The following STK10 variants were observed in gnomAD, a reference collection of about 807,000 sequenced individuals.
STK10 encodes the protein serine/threonine-protein kinase 10.
In STK10, 78 loss-of-function variants were observed where a neutral mutation model predicts 113.8. The observed-to-expected ratio is 0.69, with a 90% CI of 0.57 to 0.83. The LOEUF (loss-of-function observed/expected upper bound fraction) is 0.83, where lower values mean the gene tolerates loss of function less well. STK10 is among the 40% of genes least tolerant of loss of function. The pLI is 0.00. For synonymous variants in STK10, 465 were observed against 494.7 expected (o/e 0.94, Z 0.80); for missense variants, 1,109 against 1,280.1 (o/e 0.87, Z 2.04).
At chr5:172,155,398 T>G (rs1770327141) in intron 2 of STK10, among the ~76,000 whole-genome samples, 1 of 150,998 alleles carries the variant, frequency 6.6e-6, no homozygotes, top group African/African-American at 2.4e-5. Flanking sequence ...CTTAGGAGGC[T>G]GAGGCAGGAG....
intron 3 of STK10, among the ~76,000 whole-genome samples, chr5:172,125,377 T>G (rs1400006840): frequency 6.6e-6 from 1 of 150,724 alleles, no homozygotes; most frequent in Non-Finnish European, 1.5e-5. Context: ...CATCTGCTCA[T>G]GACTTTTTTT....
intron 2 of STK10, among the ~76,000 whole-genome samples, chr5:172,137,470 C>G (rs1769887105): frequency 6.6e-6 from 1 of 151,984 alleles, no homozygotes; most frequent in South Asian, 2.1e-4. Context: ...ACTACGTGAT[C>G]ATCTCAGTTA....
chr5:172,137,404 C>CA (rs993495021), intron 2 of STK10, among the ~76,000 whole-genome samples: 7 of 151,718 alleles, frequency 4.6e-5, no homozygotes, highest in Admixed American at 6.6e-5. Flanking sequence ...GTTCAACATT[C>CA]AAAAATCTAT....
intron 18 of STK10, among the ~76,000 whole-genome samples, chr5:172,047,312 C>T (rs2113679111): frequency 6.6e-6 from 1 of 152,288 alleles, no homozygotes; most frequent in South Asian, 2.1e-4. Context: ...AGCCCAGGCC[C>T]CTCTTTGAAG....
At chr5:172,063,253 A>G (rs6872585) in intron 13 of STK10, among the ~76,000 whole-genome samples, 18,633 of 151,670 alleles carry the variant, frequency 0.12, 2,039 homozygotes, top group African/African-American at 0.29. Context: ...CCATCTCAAA[A>G]AAGAAAAAAA....
rs976296733 is a variant in STK10, at chr5:172,048,348, C to G, written c.2767-3326G>C. On this transcript the variant is annotated intron_variant, in intron 18 of 18. Transcript: ENST00000176763. ...ACCTGTCCTGCAGATTTCAGACTTA[C>G]CAGCCCCCACAATCGTGTAAGCCAA... is the stretch of plus-strand genomic sequence containing the variant. 7.9e-5 allele frequency among the ~76,000 whole-genome samples: 12 copies of G among 151,492 alleles called. No homozygotes were observed. The East Asian group carries it at 2.3e-3, about 29-fold the overall frequency.
chr5:172,153,325 A>AGAGAGAGAG (rs1770283325), intron 2 of STK10, among the ~76,000 whole-genome samples: 2 of 141,998 alleles, frequency 1.4e-5, no homozygotes, highest in African/African-American at 5.3e-5. Context: ...AGAAAGAAAG[A>AGAGAGAGAG]AATGTAAAAT....
intron 4 of STK10, among the ~76,000 whole-genome samples, chr5:172,114,304 GTGTGTGTGTGTA>G (rs1472877014): frequency 1.6e-4 from 23 of 145,892 alleles, no homozygotes; most frequent in African/African-American, 5.5e-4. Flanking sequence ...GTGTGTGTGT[GTGTGTGTGTGTA>G]TGTGTGTTTT....
At chr5:172,118,650 C>CGG (rs60585981) in intron 3 of STK10, among the ~76,000 whole-genome samples, 3 of 151,422 alleles carry the variant, frequency 2.0e-5, no homozygotes, top group Non-Finnish European at 4.4e-5. Flanking sequence ...GAAGCAGAGG[C>CGG]GGGGGGGATC....
chr5:172,181,265 T>C (rs922574387), intron 1 of STK10, among the ~76,000 whole-genome samples: 3 of 152,202 alleles, frequency 2.0e-5, no homozygotes, highest in South Asian at 2.1e-4. Flanking sequence ...TGCGTAAAAC[T>C]GTACTACTGG....
chr5:172,171,160 C>A (rs1770659292), intron 1 of STK10, among the ~76,000 whole-genome samples: 1 of 152,126 alleles, frequency 6.6e-6, no homozygotes, highest in South Asian at 2.1e-4. Context: ...TAAAGACAAT[C>A]TTAAAAATAT....
rs990302264 is a variant in STK10 at position 172,093,647 on chromosome 5, G to C, written c.1319C>G (p.Ala440Gly). The C allele has an allele frequency of 1.2e-6, 2 of 1,614,266 alleles. No individual in the cohort carries two copies. The highest frequency in any genetic ancestry group is 1.7e-5 in the Admixed American group (1 of 60,032). Reference sequence around the variant, plus strand: ...GCTGGCCTTTTGAGATCTGTTGGCTGCTGGGCTGAGGTCCCCACCCTGCTC... The same window carrying C: ...GCTGGCCTTTTGAGATCTGTTGGCTCCTGGGCTGAGGTCCCCACCCTGCTC... The part of the protein sequence containing the change: ...VAEQGGDLSP[A>G]ANRSQKASQS... Residue 440 changes from alanine to glycine, a missense_variant, in exon 9 of 19, where the codon GCA becomes GGA. Ala to Gly is a moderately conservative substitution (Grantham distance 60). Coordinates refer to ENST00000176763, the MANE Select transcript of STK10 (RefSeq NM_005990.4). This position sits in a 1 kb window ranked among gnomAD's most constrained non-coding sequence, Gnocchi z 4.1.
At chr5:172,107,365 C>T (rs181295437) in intron 5 of STK10, among the ~76,000 whole-genome samples, 3 of 152,282 alleles carry the variant, frequency 2.0e-5, no homozygotes, top group East Asian at 3.9e-4. Context: ...GGAAACACGA[C>T]AGACTACAGA....
At chr5:172,126,457 G>A (rs1234807336) in intron 3 of STK10, among the ~76,000 whole-genome samples, 1 of 152,096 alleles carries the variant, frequency 6.6e-6, no homozygotes, top group Admixed American at 6.5e-5. Context: ...CCAGCTACTC[G>A]GGAGGCTGGG....
rs1561814703 is a variant in STK10 at position 172,117,612 on chromosome 5, G to GT, written c.388dup (p.Thr130AsnfsTer46). On this transcript the variant is annotated frameshift_variant, in exon 4 of 19. Coordinates refer to ENST00000176763, the MANE Select transcript of STK10 (RefSeq NM_005990.4). LOFTEE classifies it high-confidence loss of function. Reference sequence around the variant, plus strand: ...GCAAACCACCTGTATCTGGGGCTCCGTGAGGCCTCTGTCCAGCTCTGGAAA... The same window carrying GT: ...GCAAACCACCTGTATCTGGGGCTCCGTTGAGGCCTCTGTCCAGCTCTGGAAA... 6.2e-7 allele frequency: 1 copy of GT among 1,614,040 alleles called. No individual in the cohort carries two copies. The highest frequency in any genetic ancestry group is 8.5e-7 in the Non-Finnish European group (1 of 1,180,018).
In STK10 at chr5:172,044,831, G is replaced by A; in HGVS notation, c.*51C>T. On this transcript the variant is annotated 3_prime_UTR_variant, in exon 19 of 19. Transcript: ENST00000176763. This position sits in a 1 kb window ranked among gnomAD's most constrained non-coding sequence, Gnocchi z 4.5. Reference sequence around the variant, plus strand: ...GAGTTACATGTTCACAGAGAATGAAGGAGAAGGCCCTGGGGCCCACCAAGC... The same window carrying A: ...GAGTTACATGTTCACAGAGAATGAAAGAGAAGGCCCTGGGGCCCACCAAGC... The A allele has an allele frequency of 1.9e-6, 3 of 1,613,320 alleles. No homozygotes were observed. The African/African-American group carries it at 4.0e-5, about 21-fold the overall frequency.
At chr5:172,149,727 G>C (rs1770170729) in intron 2 of STK10, among the ~76,000 whole-genome samples, 1 of 152,160 alleles carries the variant, frequency 6.6e-6, no homozygotes, top group Non-Finnish European at 1.5e-5. Flanking sequence ...ACAAGGGCCA[G>C]GATAAAATGG....
chr5:172,111,204 C>G (rs866930029), intron 4 of STK10, among the ~76,000 whole-genome samples: 26 of 152,146 alleles, frequency 1.7e-4, no homozygotes, highest in African/African-American at 5.3e-4. Context: ...GCCAGGCCCC[C>G]CTGTGGGCCT....
chr5:172,186,896 C>T (rs899526542), intron 1 of STK10, among the ~76,000 whole-genome samples: 11 of 152,064 alleles, frequency 7.2e-5, no homozygotes, highest in African/African-American at 2.7e-4. Context: ...GTGGTCCAGC[C>T]TCATAGAACG....
Sources: allele counts gnomAD v4.1 joint callset (sites outside exome capture counted in the v4.1 genomes callset), GRCh38; gene constraint gnomAD v4.1.1; non-coding constraint Gnocchi (gnomAD v3.1); transcripts MANE v1.5; gene names NCBI Gene and HGNC (gene_info 2026-07-23, HGNC 2026-07-21).